RBFOX1: variants seen among roughly 807,000 people sequenced by gnomAD.
RBFOX1 encodes RNA binding protein fox-1 homolog 1.
In RBFOX1, 8 loss-of-function variants were observed where a neutral mutation model predicts 57.7. That is an observed-to-expected ratio of 0.14 (90% confidence interval 0.08 to 0.25). The LOEUF is 0.25. RBFOX1 is among the 10% of genes least tolerant of loss of function. The pLI, the probability that RBFOX1 is intolerant of heterozygous loss-of-function variation, is 1.00. For missense variants in RBFOX1, 611 were observed against 548.5 expected (o/e 1.11, Z -1.14); for synonymous variants, 326 against 222.4 (o/e 1.47, Z -4.15).
chr16:6,344,691 C>T (rs1166576417), intron 2 of RBFOX1, among the ~76,000 whole-genome samples: 1 of 137,494 alleles, frequency 7.3e-6, no homozygotes, highest in Non-Finnish European at 1.5e-5. Flanking sequence ...GCCACCGAGC[C>T]CGGTTTTTTT....
chr16:6,756,756 G>C lies in RBFOX1; in HGVS notation c.-16+102106G>C, dbSNP rs112380153. 5.1e-3 allele frequency among the ~76,000 whole-genome samples: 778 copies of C among 152,250 alleles called. 10 individuals carry two copies. The highest frequency in any genetic ancestry group is 0.018 in the African/African-American group (742 of 41,560). On this transcript the variant is annotated intron_variant, in intron 3 of 15. Coordinates refer to ENST00000550418, the MANE Select transcript of RBFOX1 (RefSeq NM_018723.4). The stretch of plus-strand genomic sequence containing the variant: ...GGAGGCTGAGGCAGGGGGGTCATGT[G>C]AGGTCAGGAGTTCGAGACCAGCCTG...
At chr16:6,150,539 C>T (rs1219063740) in intron 1 of RBFOX1, among the ~76,000 whole-genome samples, 2 of 152,124 alleles carry the variant, frequency 1.3e-5, no homozygotes, top group Admixed American at 1.3e-4. Context: ...CCCAAATGAA[C>T]CAAATGAATG....
chr16:6,944,640 C>G (rs1163873955), intron 3 of RBFOX1, among the ~76,000 whole-genome samples: 1 of 152,114 alleles, frequency 6.6e-6, no homozygotes, highest in Non-Finnish European at 1.5e-5. Context: ...TTGTGGGGGT[C>G]TGGCCATGCA....
chr16:6,879,935 C>T (rs1263143970), intron 3 of RBFOX1, among the ~76,000 whole-genome samples: 4 of 152,224 alleles, frequency 2.6e-5, no homozygotes, highest in Middle Eastern at 3.4e-3. Context: ...ATTTTCATTG[C>T]ATCATTTCTT....
intron 1 of RBFOX1, among the ~76,000 whole-genome samples, chr16:5,410,413 G>A (rs1014779884): frequency 6.6e-6 from 1 of 151,950 alleles, no homozygotes; most frequent in Non-Finnish European, 1.5e-5. Context: ...CATGTCTCTT[G>A]TTGACCAGGG....
intron 2 of RBFOX1, among the ~76,000 whole-genome samples, chr16:5,567,613 G>C (rs116465143): frequency 3.2e-4 from 47 of 148,764 alleles, no homozygotes; most frequent in Admixed American, 1.5e-3. Flanking sequence ...AAACCATAGT[G>C]GGGGGGTATT....
chr16:5,972,430 A>G (rs1156412463), intron 4 of RBFOX1, among the ~76,000 whole-genome samples: 2 of 152,150 alleles, frequency 1.3e-5, no homozygotes, highest in African/African-American at 4.8e-5. Flanking sequence ...ACCTCTCATT[A>G]TGTGTCCAGT....
At chr16:7,551,316 G>C (rs945300663) in intron 5 of RBFOX1, among the ~76,000 whole-genome samples, 1 of 152,108 alleles carries the variant, frequency 6.6e-6, no homozygotes, top group Non-Finnish European at 1.5e-5. Context: ...GATTTCAGAC[G>C]TTAGACAGCA....
At chr16:6,406,836 A>G (rs2093297957) in intron 2 of RBFOX1, among the ~76,000 whole-genome samples, 1 of 152,194 alleles carries the variant, frequency 6.6e-6, no homozygotes, top group African/African-American at 2.4e-5. Flanking sequence ...AACTGATGTT[A>G]GAAATAGAAT....
intron 4 of RBFOX1, among the ~76,000 whole-genome samples, chr16:7,173,376 G>C (rs538998204): frequency 6.6e-6 from 1 of 152,230 alleles, no homozygotes; most frequent in Admixed American, 6.5e-5. Context: ...TCACTGTCAT[G>C]CTATAAAACA....
chr16:6,965,315 T>TTG (rs57603257), intron 3 of RBFOX1, among the ~76,000 whole-genome samples: 1,803 of 147,462 alleles, frequency 0.012, 15 homozygotes, highest in South Asian at 0.014. Flanking sequence ...TTTTCTTTTG[T>TTG]TGTGTGTGTG....
chr16:6,842,502 C>G (rs1388564516), intron 3 of RBFOX1, among the ~76,000 whole-genome samples: 1 of 152,044 alleles, frequency 6.6e-6, no homozygotes, highest in Non-Finnish European at 1.5e-5. Flanking sequence ...CAAATTGAAT[C>G]ATATATTTTT....
intron 1 of RBFOX1, among the ~76,000 whole-genome samples, chr16:5,340,339 A>G (rs2065005882): frequency 6.6e-6 from 1 of 152,190 alleles, no homozygotes; most frequent in South Asian, 2.1e-4. Flanking sequence ...TTAAGTTAGT[A>G]TATTGGTGCC....
intron 5 of RBFOX1, among the ~76,000 whole-genome samples, chr16:7,526,550 G>A (rs952489929): frequency 6.6e-6 from 1 of 152,156 alleles, no homozygotes; most frequent in Non-Finnish European, 1.5e-5. Context: ...ATGGATTACA[G>A]AACAACAGAG....
At chr16:6,452,654 A>G (rs1209481863) in intron 2 of RBFOX1, among the ~76,000 whole-genome samples, 2 of 152,216 alleles carry the variant, frequency 1.3e-5, no homozygotes, top group Non-Finnish European at 2.9e-5. Flanking sequence ...TTAAGACAAT[A>G]GGGATTGATG....
chr16:5,872,526 T>G (rs1192997385), intron 4 of RBFOX1, among the ~76,000 whole-genome samples: 1 of 151,146 alleles, frequency 6.6e-6, no homozygotes, highest in Non-Finnish European at 1.5e-5. Context: ...AGCCCAGGAG[T>G]TCGAGACCAG....
intron 1 of RBFOX1, among the ~76,000 whole-genome samples, chr16:6,198,640 T>A (rs1598301751): frequency 6.6e-6 from 1 of 152,200 alleles, no homozygotes; most frequent in African/African-American, 2.4e-5. Context: ...ATTAGGAATT[T>A]GGCAGGTAGA....
intron 4 of RBFOX1, among the ~76,000 whole-genome samples, chr16:7,259,906 G>T (rs1412820981): frequency 6.6e-6 from 1 of 152,076 alleles, no homozygotes; most frequent in African/African-American, 2.4e-5. Context: ...AAATAATTCT[G>T]GGATAAATGA....
At chr16:7,604,536 G>A (rs1470837566) in intron 9 of RBFOX1, among the ~76,000 whole-genome samples, 2 of 152,178 alleles carry the variant, frequency 1.3e-5, no homozygotes, top group Non-Finnish European at 1.5e-5. Flanking sequence ...GCCATGTGCA[G>A]ACTTGGCAAA....
Sources: allele counts gnomAD v4.1 joint callset (sites outside exome capture counted in the v4.1 genomes callset), GRCh38; gene constraint gnomAD v4.1.1; transcripts MANE v1.5; gene names NCBI Gene and HGNC (gene_info 2026-07-23, HGNC 2026-07-21).